Variants in UBXN2A observed in about 807,000 individuals in gnomAD.
UBXN2A encodes UBX domain-containing protein 2A.
Under a neutral mutation model 28.4 loss-of-function variants are expected in UBXN2A, and 28 were observed. The observed-to-expected ratio is 0.99, with a 90% confidence interval of 0.73 to 1.35. The LOEUF is 1.35. Ranked by LOEUF, UBXN2A falls within the 40% of genes most tolerant of loss-of-function variation. The pLI is 0.00. For synonymous variants in UBXN2A, 97 were observed against 103.6 expected (o/e 0.94, Z 0.39); for missense variants, 253 against 297.9 (o/e 0.85, Z 1.11).
chr2:23,992,475 A>G (rs1428568836), intron 6 of UBXN2A, among the ~76,000 whole-genome samples: 2 of 152,184 alleles, frequency 1.3e-5, no homozygotes, highest in African/African-American at 4.8e-5. Flanking sequence ...CTGCATCTTC[A>G]AGGATAAGGT....
At chr2:23,932,648 C>G (rs1422627776) in intron 1 of UBXN2A, among the ~76,000 whole-genome samples, 1 of 152,020 alleles carries the variant, frequency 6.6e-6, no homozygotes, top group African/African-American at 2.4e-5. Context: ...GTATGAAGAC[C>G]CTCAGGACAA....
At chr2:23,968,542 G>A (rs1282592487) in intron 2 of UBXN2A, among the ~76,000 whole-genome samples, 2 of 151,304 alleles carry the variant, frequency 1.3e-5, no homozygotes, top group Non-Finnish European at 2.9e-5. Context: ...GTGTGGTGGC[G>A]GGTGCCTGTA....
At position 23,951,738 on chromosome 2, in the gene UBXN2A, G is replaced by A. The variant is rs1706382319; in HGVS notation, c.-14-6563G>A. On this transcript the variant is annotated intron_variant, in intron 1 of 6. Coordinates refer to ENST00000309033, the MANE Select transcript of UBXN2A (RefSeq NM_181713.4). ...GGCCTCCCAGAGAGCTGGGATTACA[G>A]GCATGAGTCACTGTACCATTTTATT... 2.0e-5 allele frequency among the ~76,000 whole-genome samples: 3 copies of A among 152,004 alleles called. No homozygotes were observed. The South Asian group carries it at 6.2e-4, about 31-fold the overall frequency.
chr2:23,951,843 T>C (rs990356825), intron 1 of UBXN2A, among the ~76,000 whole-genome samples: 27 of 152,186 alleles, frequency 1.8e-4, no homozygotes, highest in African/African-American at 2.4e-5. Flanking sequence ...CCTTTGTGTA[T>C]GTTTGAAATA....
At chr2:23,980,719 C>G (rs1374891396) in intron 4 of UBXN2A, among the ~76,000 whole-genome samples, 1 of 152,030 alleles carries the variant, frequency 6.6e-6, no homozygotes, top group African/African-American at 2.4e-5. Context: ...CCTCCGCCTC[C>G]CAGGTTCAAG....
chr2:23,936,360 A>C (rs1051005956), upstream of UBXN2A, among the ~76,000 whole-genome samples: 4 of 152,160 alleles, frequency 2.6e-5, no homozygotes, highest in Admixed American at 1.3e-4. Context: ...AAAAGAACAA[A>C]TATTGTAGGA....
Position 23,946,568 on chromosome 2 carries a change from G to A in UBXN2A, c.-15+5920G>A, listed in dbSNP as rs569551430. Among the ~76,000 whole-genome samples the A allele has an allele frequency of 4.6e-5, 7 of 151,850 alleles. No individual in the cohort carries two copies. The South Asian group carries it at 1.0e-3, about 23-fold the overall frequency. On this transcript the variant is annotated intron_variant, in intron 1 of 6. Transcript: ENST00000309033. ...CATCTCCTGACCTCGTGATCCACCC[G>A]CCTCAGCCTCCTAAAGAGCTGAGAT...
At chr2:23,936,594 T>G (rs887124699), upstream of UBXN2A, among the ~76,000 whole-genome samples, 1 of 151,372 alleles carries the variant, frequency 6.6e-6, no homozygotes, top group Non-Finnish European at 1.5e-5. Flanking sequence ...CTATGGGCTG[T>G]GGGGATGGAG....
At chr2:23,937,697 G>C (rs1705568943), upstream of UBXN2A, among the ~76,000 whole-genome samples, 1 of 152,194 alleles carries the variant, frequency 6.6e-6, no homozygotes, top group Non-Finnish European at 1.5e-5. Flanking sequence ...TAACCAAAGA[G>C]GTACGAGACT....
intron 2 of UBXN2A, among the ~76,000 whole-genome samples, chr2:23,965,657 A>G (rs1230548879): frequency 6.6e-6 from 1 of 152,138 alleles, no homozygotes; most frequent in East Asian, 1.9e-4. Flanking sequence ...TATGTTCATG[A>G]TAAATTTTCT....
intron 1 of UBXN2A, among the ~76,000 whole-genome samples, chr2:23,940,933 C>G (rs1173021144): frequency 6.6e-6 from 1 of 152,156 alleles, no homozygotes; most frequent in African/African-American, 2.4e-5. Flanking sequence ...TCCTGGTTCT[C>G]TCGCAGGGCG....
intron 2 of UBXN2A, among the ~76,000 whole-genome samples, chr2:23,959,761 A>G (rs1468002838): frequency 6.6e-6 from 1 of 152,200 alleles, no homozygotes; most frequent in Non-Finnish European, 1.5e-5. Context: ...AAGTTGTGAC[A>G]AATTCATGTG....
chr2:23,951,967 CTTTTTT>C (rs901333812), intron 1 of UBXN2A, among the ~76,000 whole-genome samples: 1 of 132,358 alleles, frequency 7.6e-6, no homozygotes, highest in Non-Finnish European at 1.6e-5. Context: ...AGTTTTTTTC[CTTTTTT>C]TTTTTTTTTT....
chr2:23,938,393 GA>G (rs1257294893), upstream of UBXN2A, among the ~76,000 whole-genome samples: 4 of 151,984 alleles, frequency 2.6e-5, no homozygotes, highest in African/African-American at 9.7e-5. Context: ...TAGAACCTGG[GA>G]GGCGGAGGTT....
chr2:23,962,605 CTTTTTTTT>C (rs1160440950), intron 2 of UBXN2A, among the ~76,000 whole-genome samples: 1 of 130,680 alleles, frequency 7.7e-6, no homozygotes, highest in East Asian at 2.2e-4. Flanking sequence ...TTTTTTTATT[CTTTTTTTT>C]TTTTTTTTTG....
intron 6 of UBXN2A, among the ~76,000 whole-genome samples, chr2:23,989,306 CT>C (rs78978613): frequency 2.3e-3 from 310 of 136,988 alleles, no homozygotes; most frequent in Middle Eastern, 7.6e-3. Context: ...GTATTTATTC[CT>C]TTTTTTTTTT....
chr2:23,939,685 A>C (rs1370279957), upstream of UBXN2A: 1 of 152,466 alleles, frequency 6.6e-6, no homozygotes, highest in Non-Finnish European at 1.5e-5. Context: ...AGGTCAGCTA[A>C]CTATTTGCGA....
intron 1 of UBXN2A, among the ~76,000 whole-genome samples, chr2:23,945,343 T>C (rs888830423): frequency 4.6e-5 from 7 of 152,276 alleles, no homozygotes; most frequent in Non-Finnish European, 1.0e-4. Flanking sequence ...TCTTCATTAC[T>C]ATGATTACAG....
At position 23,931,151 on chromosome 2, in the gene UBXN2A, C is replaced by CA. The variant is rs1055576346; in HGVS notation, c.-138+3546dup. Among the ~76,000 whole-genome samples, 48 of 146,132 alleles carry CA rather than the reference C, an allele frequency of 3.3e-4. 1 individual carries two copies. Among genetic ancestry groups the CA allele is most frequent in the African/African-American group, 9.5e-4 (38 of 39,942 alleles). ...TGGGCGACAGAGCAAGATTCCATCT[C>CA]AAAAAAAAAAGGGGGGCTGGGCTCA... On this transcript the variant is annotated intron_variant, in intron 1 of 7. Coordinates refer to the UBXN2A transcript ENST00000404924.
Sources: allele counts gnomAD v4.1 joint callset (sites outside exome capture counted in the v4.1 genomes callset), GRCh38; gene constraint gnomAD v4.1.1; transcripts MANE v1.5; gene names NCBI Gene and HGNC (gene_info 2026-07-23, HGNC 2026-07-21).